Variants in DENND1A observed in about 807,000 individuals in gnomAD.
DENND1A encodes DENN domain-containing protein 1A.
DENND1A carries 51 observed loss-of-function variants against 113.7 expected under a neutral mutation model. The ratio of observed to expected loss-of-function variants is 0.45; its 90% confidence interval spans 0.36 to 0.57. The LOEUF (loss-of-function observed/expected upper bound fraction) is 0.57, where lower values mean the gene tolerates loss of function less well. Among genes scored for constraint, DENND1A ranks in the 20% least tolerant of loss-of-function variants. DENND1A has a pLI of 0.00. For missense variants in DENND1A, 1,258 were observed against 1,395.9 expected, an observed-to-expected ratio of 0.90 and a Z score of 1.57; for synonymous variants, 565 against 570.8, an observed-to-expected ratio of 0.99 and a Z score of 0.14.
intron 1 of DENND1A, among the ~76,000 whole-genome samples, chr9:123,892,223 T>C (rs1434845692): frequency 6.6e-6 from 1 of 152,174 alleles, no homozygotes; most frequent in Non-Finnish European, 1.5e-5. Flanking sequence ...GGGTTAGAAA[T>C]AATGCCTATT....
At chr9:123,710,614 A>G (rs966482540) in intron 5 of DENND1A, among the ~76,000 whole-genome samples, 2 of 151,750 alleles carry the variant, frequency 1.3e-5, no homozygotes, top group African/African-American at 4.8e-5. Flanking sequence ...TAATTTTTAA[A>G]TGTTGTTAGG....
Position 123,764,221 on chromosome 9 carries a change from A to G in DENND1A, c.182+5293T>C, listed in dbSNP as rs1236110451. ...ATAATGTATACAAGATAACTAGCATATAGTAGGTACCTGACAAAAATGATC... is the reference window on the plus strand; with the variant it reads ...ATAATGTATACAAGATAACTAGCATGTAGTAGGTACCTGACAAAAATGATC... On this transcript the variant is annotated intron_variant, in intron 4 of 23. Transcript: ENST00000394215. This position sits in a 1 kb window ranked among gnomAD's most constrained non-coding sequence, Gnocchi z 4.1. 6.6e-6 allele frequency among the ~76,000 whole-genome samples: 1 copy of G among 152,224 alleles called. No homozygotes were observed. Among genetic ancestry groups the G allele is most frequent in the African/African-American group, 2.4e-5 (1 of 41,462 alleles).
rs117561982 is a variant in DENND1A at position 123,848,465 on chromosome 9, A to G, written c.88+30486T>C. On this transcript the variant is annotated intron_variant, in intron 2 of 23. Transcript: ENST00000394215. Reference sequence around the variant, plus strand: ...CCATATAAGATGGCAAACTTCGTCAATAAATGTGTGTGTGTTCTGACTGTT... The same window carrying G: ...CCATATAAGATGGCAAACTTCGTCAGTAAATGTGTGTGTGTTCTGACTGTT... Among the ~76,000 whole-genome samples, 531 of 152,262 alleles carry G rather than the reference A, an allele frequency of 3.5e-3. 2 individuals are homozygous for G. Among genetic ancestry groups the G allele is most frequent in the Non-Finnish European group, 6.0e-3 (409 of 68,028 alleles).
intron 9 of DENND1A, among the ~76,000 whole-genome samples, chr9:123,649,876 TTATCTA>T (rs1313145007): frequency 6.6e-6 from 1 of 152,226 alleles, no homozygotes. Context: ...TCATTCTTCC[TTATCTA>T]TAAGATGGAA....
chr9:123,529,459 T>C (rs2055119366), intron 13 of DENND1A, among the ~76,000 whole-genome samples: 1 of 151,912 alleles, frequency 6.6e-6, no homozygotes, highest in Non-Finnish European at 1.5e-5. Context: ...TGCTGAAAAA[T>C]TCTAAGTTTA....
chr9:123,927,772 C>A (rs1456792583), intron 1 of DENND1A, among the ~76,000 whole-genome samples: 3 of 152,198 alleles, frequency 2.0e-5, no homozygotes, highest in Non-Finnish European at 4.4e-5. Context: ...TTCAATGGAA[C>A]CTGCACACTT....
At chr9:123,581,417 T>A (rs1376519357) in intron 12 of DENND1A, among the ~76,000 whole-genome samples, 1 of 152,120 alleles carries the variant, frequency 6.6e-6, no homozygotes, top group Non-Finnish European at 1.5e-5. Context: ...GCAGATTGCT[T>A]GAGCCCAGGA....
intron 19 of DENND1A, among the ~76,000 whole-genome samples, chr9:123,430,271 A>G (rs80343008): frequency 0.025 from 3,743 of 152,330 alleles, 146 homozygotes; most frequent in African/African-American, 0.086. Context: ...ATTGTGGAAG[A>G]CAGTGTGGTG....
chr9:123,658,479 C>A (rs993266421), intron 8 of DENND1A, among the ~76,000 whole-genome samples: 3 of 151,866 alleles, frequency 2.0e-5, no homozygotes, highest in South Asian at 4.2e-4. Context: ...ACAGAGAAAA[C>A]CCTGATGAGC....
chr9:123,677,264 AACAG>A (rs1434834414), intron 5 of DENND1A, among the ~76,000 whole-genome samples: 1 of 152,128 alleles, frequency 6.6e-6, no homozygotes, highest in Non-Finnish European at 1.5e-5. Context: ...ATGTTGCTGC[AACAG>A]ACATTCTACC....
At chr9:123,578,505 A>C (rs1185848997) in intron 12 of DENND1A, among the ~76,000 whole-genome samples, 1 of 152,218 alleles carries the variant, frequency 6.6e-6, no homozygotes, top group Non-Finnish European at 1.5e-5. Flanking sequence ...TCAGACTCCC[A>C]AAATGCTGGG....
chr9:123,618,022 A>T (rs2060743849), intron 10 of DENND1A, among the ~76,000 whole-genome samples: 1 of 152,224 alleles, frequency 6.6e-6, no homozygotes, highest in East Asian at 1.9e-4. Context: ...GATGCATAGC[A>T]TCCAATTACC....
At chr9:123,494,157 T>C (rs2051646806) in intron 13 of DENND1A, among the ~76,000 whole-genome samples, 1 of 152,190 alleles carries the variant, frequency 6.6e-6, no homozygotes, top group Non-Finnish European at 1.5e-5. Flanking sequence ...TGTCACCTTG[T>C]ACTGCTGGAA....
At chr9:123,526,341 T>G (rs2054841453) in intron 13 of DENND1A, among the ~76,000 whole-genome samples, 2 of 152,158 alleles carry the variant, frequency 1.3e-5, no homozygotes, top group Admixed American at 1.3e-4. Context: ...TCACCTGGCT[T>G]CGCCATACCC....
At chr9:123,701,830 G>A (rs2065901146) in intron 5 of DENND1A, among the ~76,000 whole-genome samples, 1 of 152,164 alleles carries the variant, frequency 6.6e-6, no homozygotes, top group South Asian at 2.1e-4. Context: ...ACTTTTGAAG[G>A]AGGTTCCAAA....
chr9:123,806,505 C>G (rs1388995675), intron 2 of DENND1A, among the ~76,000 whole-genome samples: 2 of 152,160 alleles, frequency 1.3e-5, no homozygotes, highest in African/African-American at 2.4e-5. Context: ...GATCTGCCCG[C>G]CTCGGTCTCC....
intron 1 of DENND1A, among the ~76,000 whole-genome samples, chr9:123,905,085 G>A (rs1318250149): frequency 4.6e-5 from 7 of 151,808 alleles, no homozygotes; most frequent in African/African-American, 1.7e-4. Context: ...TTTCAACCCA[G>A]AATTTCATAT....
At chr9:123,734,210 A>C (rs1327172448) in intron 5 of DENND1A, among the ~76,000 whole-genome samples, 1 of 152,152 alleles carries the variant, frequency 6.6e-6, no homozygotes, top group Non-Finnish European at 1.5e-5. Context: ...AAGTTATGGA[A>C]ATACAGGATG....
chr9:123,904,929 T>C lies in DENND1A; in HGVS notation c.17+24960A>G, dbSNP rs574593498. The stretch of plus-strand genomic sequence containing the variant: ...GTCAGATTCACCAAAGTTGAAATGA[T>C]GGAAAAAATGTTAAGGGCAGCCAGA... On this transcript the variant is annotated intron_variant, in intron 1 of 23. Transcript: ENST00000394215. Among the ~76,000 whole-genome samples the C allele has an allele frequency of 2.6e-5, 4 of 152,036 alleles. No homozygotes were observed. In the South Asian group the frequency reaches 6.2e-4, roughly 24 times the overall value.
Sources: gnomAD v4.1 joint callset for allele counts (sites outside exome capture counted in the v4.1 genomes callset) on GRCh38, gnomAD v4.1.1 for gene constraint, Gnocchi (gnomAD v3.1) non-coding constraint, MANE v1.5 for transcripts, NCBI Gene and HGNC (gene_info 2026-07-23, HGNC 2026-07-21) for gene names.